Variants in PLEKHH1 observed in about 807,000 individuals in gnomAD.
PLEKHH1 encodes the protein pleckstrin homology, MyTH4 and FERM domain containing H1.
PLEKHH1 carries 104 observed loss-of-function variants against 160.0 expected under a neutral mutation model. The ratio of observed to expected loss-of-function variants is 0.65; its 90% CI spans 0.55 to 0.76. The LOEUF (loss-of-function observed/expected upper bound fraction) is 0.76. PLEKHH1 is among the 30% of genes least tolerant of loss of function. PLEKHH1 has a pLI of 0.00. For missense variants in PLEKHH1, 1,427 were observed against 1,724.1 expected, an observed-to-expected ratio of 0.83 and a Z score of 3.05; for synonymous variants, 619 against 678.4, an observed-to-expected ratio of 0.91 and a Z score of 1.36.
Position 67,574,490 on chromosome 14 carries a change from C to A in PLEKHH1, c.2088+87C>A. 1 of 1,112,218 alleles carries A rather than the reference C, an allele frequency of 9.0e-7. No individual in the cohort carries two copies. The allele number at this position is 1,112,218 out of a possible 1,614,324, so 68.9% of individuals were successfully genotyped here. On this transcript the variant is annotated intron_variant, in intron 14 of 28. Transcript: ENST00000329153. The surrounding 1 kb of genome is among the most constrained non-coding windows in gnomAD (Gnocchi z 4.2). ...TGGGGTGCCGAGGGTGGTGGGTTCCCCCTTATACGGGGCTCCTTTCTCTGG... is the reference window on the plus strand; with the variant it reads ...TGGGGTGCCGAGGGTGGTGGGTTCCACCTTATACGGGGCTCCTTTCTCTGG...
chr14:67,586,437 A>G lies in PLEKHH1; in HGVS notation c.3933+340A>G, dbSNP rs774604900. On this transcript the variant is annotated intron_variant, in intron 28 of 28. Transcript: ENST00000329153. ...TCTTCCTTGCAGCAGTCCTCAAGGC[A>G]GGGCAGATTCCTCTTTAAGGTGCTC... 16 of 1,311,626 alleles carry G rather than the reference A, an allele frequency of 1.2e-5. No homozygotes were observed. In the South Asian group the frequency reaches 2.0e-4, roughly 16 times the overall value. The allele number at this position is 1,311,626 out of a possible 1,614,324, so 81.2% of individuals were successfully genotyped here.
At chr14:67,555,314 C>T (rs1228416378) in intron 2 of PLEKHH1, among the ~76,000 whole-genome samples, 1 of 152,192 alleles carries the variant, frequency 6.6e-6, no homozygotes, top group African/African-American at 2.4e-5. Flanking sequence ...GCCCTGAAGC[C>T]CTTACAGGCA....
chr14:67,551,716 C>G (rs1171901674), intron 2 of PLEKHH1, among the ~76,000 whole-genome samples: 1 of 152,062 alleles, frequency 6.6e-6, no homozygotes, highest in East Asian at 1.9e-4. Context: ...TGGAGAAACC[C>G]CATCTCTACT....
rs1024849021 is a variant in PLEKHH1, at chr14:67,562,054, G to A, written c.505+19G>A. ...CTAGAAGGTAGGCAGGCCAGGGTGT[G>A]CAGGTGTGCAGTACGTGTGTTTGGT... On this transcript the variant is annotated intron_variant, in intron 6 of 28. Coordinates refer to ENST00000329153, the MANE Select transcript of PLEKHH1 (RefSeq NM_020715.3). 1.9e-6 allele frequency: 3 copies of A among 1,611,546 alleles called. No individual in the cohort carries two copies. The highest frequency in any genetic ancestry group is 2.5e-6 in the Non-Finnish European group (3 of 1,177,920).
intron 2 of PLEKHH1, among the ~76,000 whole-genome samples, chr14:67,551,626 C>T (rs566959529): frequency 3.3e-5 from 5 of 152,204 alleles, no homozygotes; most frequent in East Asian, 3.9e-4. Context: ...GAACCTTTCA[C>T]GCCTGTAATC....
intron 10 of PLEKHH1, 78 bp downstream of exon 10, chr14:67,571,980 C>G (rs2236234): frequency 0.71 from 1,074,782 of 1,514,820 alleles, 382,370 homozygotes; most frequent in Non-Finnish European, 0.72. Flanking sequence ...TGAACATGGG[C>G]GTCCCCACTT....
chr14:67,537,747 C>T (rs1192060398), intron 1 of PLEKHH1, among the ~76,000 whole-genome samples: 1 of 152,180 alleles, frequency 6.6e-6, no homozygotes, highest in Non-Finnish European at 1.5e-5. Flanking sequence ...GATCCCAGGT[C>T]AAATTTGTGT....
chr14:67,582,093 A>C lies in PLEKHH1; in HGVS notation c.3309A>C (p.Lys1103Asn), dbSNP rs1300490152. 3 of 1,612,284 alleles carry C rather than the reference A, an allele frequency of 1.9e-6. No homozygotes were observed. Among genetic ancestry groups the C allele is most frequent in the Non-Finnish European group, 2.5e-6 (3 of 1,179,292 alleles). Residue 1103 changes from lysine (K) to asparagine (N), a missense_variant, in exon 24 of 29, where the codon AAA becomes AAC. Around this residue, in one of 6 missense-constraint regions of PLEKHH1, gnomAD observed 436 missense variants for 607.5 expected, o/e 0.72. Transcript: ENST00000329153. The surrounding 1 kb of genome is among the most constrained non-coding windows in gnomAD (Gnocchi z 5.0). Reference protein sequence around the residue: ...KNRLYFRSQVKGETDRERLLL... With the variant: ...KNRLYFRSQVNGETDRERLLL... ...GGCTGTACTTTCGCAGTCAAGTCAA[A>C]GGGGAGACGGACCGAGAACGGCTGC... is the stretch of plus-strand genomic sequence containing the variant.
intron 27 of PLEKHH1, 62 bp from the exon 28 acceptor site, chr14:67,585,889 T>C: frequency 1.3e-6 from 2 of 1,539,182 alleles, no homozygotes; most frequent in Admixed American, 1.9e-5. Flanking sequence ...CAGGGGATGC[T>C]GGTTCCTAGC....
chr14:67,569,828 G>C (rs1210343522), intron 8 of PLEKHH1, 93 bp from the exon 9 acceptor site: 3 of 793,660 alleles, frequency 3.8e-6, no homozygotes, highest in Non-Finnish European at 6.6e-6. Flanking sequence ...GCCTGCTCCT[G>C]GAGGGAATGC....
intron 7 of PLEKHH1, among the ~76,000 whole-genome samples, chr14:67,566,834 G>A (rs117902807): frequency 0.013 from 1,980 of 151,982 alleles, 77 homozygotes; most frequent in Admixed American, 0.078. Flanking sequence ...GAGGAGAGGA[G>A]GAATGGGGAG....
chr14:67,563,473 G>C (rs2034938870), intron 7 of PLEKHH1, among the ~76,000 whole-genome samples: 1 of 151,850 alleles, frequency 6.6e-6, no homozygotes, highest in African/African-American at 2.4e-5. Flanking sequence ...CACTCTTACT[G>C]CCCAGGCTGG....
intron 1 of PLEKHH1, among the ~76,000 whole-genome samples, chr14:67,535,483 C>T (rs565531788): frequency 5.4e-5 from 8 of 147,064 alleles, no homozygotes; most frequent in African/African-American, 1.8e-4. Flanking sequence ...AGGGTTCAAG[C>T]AGTTCACCTG....
In PLEKHH1 at chr14:67,562,910, C is replaced by T. The variant is rs139615351; in HGVS notation, c.1263+16C>T. 1.5e-3 allele frequency: 2,458 copies of T among 1,606,888 alleles called. 39 individuals carry two copies. In the African/African-American group the frequency reaches 0.029, roughly 19 times the overall value. Reference sequence around the variant, plus strand: ...TTCATCCTGGGTAAGAGGCAACCTCCGGGCTGGGCAGAGGAGCAGAGCTAA... The same window carrying T: ...TTCATCCTGGGTAAGAGGCAACCTCTGGGCTGGGCAGAGGAGCAGAGCTAA... On this transcript the variant is annotated intron_variant, in intron 7 of 28. Transcript: ENST00000329153.
At chr14:67,565,782 G>A (rs1306528940) in intron 7 of PLEKHH1, among the ~76,000 whole-genome samples, 1 of 152,162 alleles carries the variant, frequency 6.6e-6, no homozygotes, top group African/African-American at 2.4e-5. Context: ...CACTGCTCGG[G>A]AGACCTGTAT....
rs2035945603 is a variant in PLEKHH1, at chr14:67,582,435, G to C, written c.3426+225G>C. On this transcript the variant is annotated intron_variant, in intron 24 of 28. Transcript: ENST00000329153. The surrounding 1 kb of genome is among the most constrained non-coding windows in gnomAD (Gnocchi z 5.0). ...GCTGGACTTGGAATCCAGAGACCTG[G>C]GTTTGAGTCCTATATACCTTCCAAC... 6.6e-6 allele frequency among the ~76,000 whole-genome samples: 1 copy of C among 152,092 alleles called. No homozygotes were observed. The highest frequency in any genetic ancestry group is 1.5e-5 in the Non-Finnish European group (1 of 68,022).
In PLEKHH1 at chr14:67,533,299, C is replaced by G. The variant is rs2033533029; in HGVS notation, c.-134C>G. 1 of 151,948 alleles carries G rather than the reference C, an allele frequency of 6.6e-6. No homozygotes were observed. The highest frequency in any genetic ancestry group is 1.5e-5 in the Non-Finnish European group (1 of 67,892). The allele number at this position is 151,948 out of a possible 1,614,324, so 9.4% of individuals were successfully genotyped here. A position where few individuals can be genotyped will look rare whatever the true frequency, so the allele number is the denominator to read the frequency against. ...CGGGGAGGGGAGAACCGGCGGCAGC[C>G]CGGGACTCCGGCGAGAGCGACGCAA... is the stretch of plus-strand genomic sequence containing the variant. On this transcript the variant is annotated 5_prime_UTR_variant, in exon 1 of 29. Transcript: ENST00000329153.
At chr14:67,577,891 C>T (rs1410524174) in intron 18 of PLEKHH1, 132 bp from the exon 19 acceptor site, 20 of 720,232 alleles carry the variant, frequency 2.8e-5, no homozygotes, top group Middle Eastern at 4.0e-4. Context: ...CCAACAGTAG[C>T]AGTGCTCCCT....
intron 5 of PLEKHH1, among the ~76,000 whole-genome samples, 151 bp downstream of exon 5, chr14:67,559,842 AC>A (rs776789776): frequency 6.6e-6 from 1 of 152,082 alleles, no homozygotes; most frequent in Admixed American, 6.6e-5. Flanking sequence ...ATGCTGAGAC[AC>A]CGTAGTTCAC....
Sources: allele counts gnomAD v4.1 joint callset (sites outside exome capture counted in the v4.1 genomes callset), GRCh38; gene constraint gnomAD v4.1.1; regional missense constraint gnomAD v4.1.1; non-coding constraint Gnocchi (gnomAD v3.1); transcripts MANE v1.5; gene names NCBI Gene and HGNC (gene_info 2026-07-23, HGNC 2026-07-21).